The following ATG10 variants were observed in gnomAD, a reference collection of about 807,000 sequenced individuals.
The protein encoded by ATG10 is ubiquitin-like-conjugating enzyme ATG10.
In ATG10, 30 loss-of-function variants were observed where a neutral mutation model predicts 32.1. The ratio of observed to expected loss-of-function variants is 0.94; its 90% CI spans 0.70 to 1.27. The LOEUF (loss-of-function observed/expected upper bound fraction) is 1.27. Among genes scored for constraint, ATG10 ranks in the 50% most tolerant of loss-of-function variants. The pLI is 0.00. For synonymous variants in ATG10, 87 were observed against 91.5 expected (o/e 0.95, Z 0.28); for missense variants, 233 against 262.3 (o/e 0.89, Z 0.77).
chr5:82,153,783 CTT>C (rs1767701004), intron 3 of ATG10, among the ~76,000 whole-genome samples: 1 of 151,884 alleles, frequency 6.6e-6, no homozygotes, highest in Non-Finnish European at 1.5e-5. Flanking sequence ...TTTTATAGCT[CTT>C]TGTGTGATTA....
intron 3 of ATG10, among the ~76,000 whole-genome samples, chr5:82,111,950 TA>T (rs1765634804): frequency 2.6e-5 from 4 of 152,108 alleles, no homozygotes; most frequent in Admixed American, 1.3e-4. Context: ...GAAAAGTGGT[TA>T]AAGGGCATAC....
chr5:82,175,374 G>A (rs185807499), intron 4 of ATG10, among the ~76,000 whole-genome samples: 61 of 152,188 alleles, frequency 4.0e-4, no homozygotes, highest in African/African-American at 1.4e-3. Context: ...TCAAACTCCT[G>A]GCTTCAAATA....
intron 2 of ATG10, among the ~76,000 whole-genome samples, chr5:82,034,718 G>A (rs1276645624): frequency 6.6e-6 from 1 of 151,798 alleles, no homozygotes; most frequent in Non-Finnish European, 1.5e-5. Context: ...TGGCGCCTCG[G>A]CCCTTCCTGT....
chr5:82,063,517 G>A (rs1763850013), intron 3 of ATG10, among the ~76,000 whole-genome samples: 1 of 147,018 alleles, frequency 6.8e-6, no homozygotes, highest in Non-Finnish European at 1.5e-5. Flanking sequence ...TTTTGAAATA[G>A]AGTCTCACTC....
intron 3 of ATG10, among the ~76,000 whole-genome samples, chr5:82,155,157 A>T (rs1173558164): frequency 6.6e-6 from 1 of 152,178 alleles, no homozygotes; most frequent in Non-Finnish European, 1.5e-5. Flanking sequence ...CACTTGTTTA[A>T]ATTAGGGTAG....
At position 82,015,447 on chromosome 5, in the gene ATG10, G is replaced by T. The variant is rs140771976; in HGVS notation, c.108+27769G>T. The stretch of plus-strand genomic sequence containing the variant: ...TTTCCAGCTTGGTTCCATTCTCCCC[G>T]TCACTTTCAGGTACACCTATCAGAC... On this transcript the variant is annotated intron_variant, in intron 2 of 7. Transcript: ENST00000282185. Among the ~76,000 whole-genome samples the T allele has an allele frequency of 9.3e-4, 141 of 152,218 alleles. 1 individual carries two copies. The East Asian group carries it at 0.025, about 27-fold the overall frequency.
intron 2 of ATG10, among the ~76,000 whole-genome samples, chr5:82,004,704 G>A (rs142251503): frequency 2.0e-3 from 302 of 152,306 alleles, no homozygotes; most frequent in African/African-American, 6.6e-3. Context: ...CTCACGGTGA[G>A]TCTGACGACT....
chr5:82,199,672 A>T (rs534967210), intron 5 of ATG10, among the ~76,000 whole-genome samples: 1 of 152,206 alleles, frequency 6.6e-6, no homozygotes, highest in Non-Finnish European at 1.5e-5. Context: ...TAAAAAATTT[A>T]CATACAGTAA....
At chr5:82,118,544 T>C (rs1561307568) in intron 3 of ATG10, among the ~76,000 whole-genome samples, 1 of 151,652 alleles carries the variant, frequency 6.6e-6, no homozygotes, top group African/African-American at 2.4e-5. Context: ...AGATGAACTT[T>C]AATACCCTTA....
At chr5:82,222,750 A>G (rs1249098850) in intron 5 of ATG10, among the ~76,000 whole-genome samples, 1 of 152,248 alleles carries the variant, frequency 6.6e-6, no homozygotes, top group Admixed American at 6.5e-5. Context: ...CTGGGAAGGC[A>G]GAAGACATTC....
intron 3 of ATG10, among the ~76,000 whole-genome samples, chr5:82,103,425 G>A (rs962029545): frequency 1.3e-5 from 2 of 152,044 alleles, no homozygotes; most frequent in African/African-American, 4.8e-5. Flanking sequence ...GCATCTCCTT[G>A]CTGTGCTTGC....
At chr5:82,233,771 A>G (rs959223816) in intron 5 of ATG10, among the ~76,000 whole-genome samples, 4 of 152,094 alleles carry the variant, frequency 2.6e-5, no homozygotes, top group Non-Finnish European at 5.9e-5. Context: ...TAGGGGAGAG[A>G]AAAAAAACTT....
In ATG10 at chr5:82,193,482, G is replaced by A. The variant is rs1018468517; in HGVS notation, c.453+14895G>A. Among the ~76,000 whole-genome samples, 43 of 152,216 alleles carry A rather than the reference G, an allele frequency of 2.8e-4. 1 individual carries two copies. The highest frequency in any genetic ancestry group is 9.9e-4 in the African/African-American group (41 of 41,526). On this transcript the variant is annotated intron_variant, in intron 5 of 7. Transcript: ENST00000282185. ...GGGTTTTTCAAATTTAAACTTGTTC[G>A]TATACAGCTAGGGTAAAACCTCTAC...
At chr5:82,182,575 G>A (rs529781388) in intron 5 of ATG10, among the ~76,000 whole-genome samples, 1 of 152,114 alleles carries the variant, frequency 6.6e-6, no homozygotes, top group South Asian at 2.1e-4. Flanking sequence ...CAGCAACCCG[G>A]ATGAATCTTC....
intron 3 of ATG10, chr5:82,147,838 A>T (rs1002056899): frequency 6.6e-6 from 1 of 152,378 alleles, no homozygotes; most frequent in Non-Finnish European, 1.5e-5. Context: ...GCCCTCCCCC[A>T]GTCCTTGTGC....
chr5:82,131,726 T>C (rs1766545129), intron 3 of ATG10, among the ~76,000 whole-genome samples: 1 of 151,932 alleles, frequency 6.6e-6, no homozygotes, highest in Non-Finnish European at 1.5e-5. Context: ...ATCAGTAATA[T>C]CTGGGAAGAA....
At chr5:82,163,940 C>T (rs1204091564) in intron 3 of ATG10, among the ~76,000 whole-genome samples, 2 of 152,158 alleles carry the variant, frequency 1.3e-5, no homozygotes, top group African/African-American at 4.8e-5. Context: ...CAAAATGGAA[C>T]TGGGAATTGT....
chr5:82,196,485 A>G (rs537914151), intron 5 of ATG10, among the ~76,000 whole-genome samples: 2 of 152,164 alleles, frequency 1.3e-5, no homozygotes, highest in African/African-American at 4.8e-5. Flanking sequence ...ATTAAACCCT[A>G]TGTGGTCTTC....
intron 5 of ATG10, among the ~76,000 whole-genome samples, chr5:82,242,106 A>G (rs895022749): frequency 6.6e-6 from 1 of 152,206 alleles, no homozygotes; most frequent in Non-Finnish European, 1.5e-5. Context: ...AGATACTGAA[A>G]TTATTCAGTG....
Sources: allele counts gnomAD v4.1 joint callset (sites outside exome capture counted in the v4.1 genomes callset), GRCh38; gene constraint gnomAD v4.1.1; transcripts MANE v1.5; gene names NCBI Gene and HGNC (gene_info 2026-07-23, HGNC 2026-07-21).